Variants in CCDC158 observed in about 807,000 individuals in gnomAD.
CCDC158 encodes the protein coiled-coil domain-containing protein 158.
A neutral mutation model predicts 138.6 loss-of-function variants in CCDC158; 116 were observed. That is an observed-to-expected ratio of 0.84 (90% CI 0.72 to 0.98). The LOEUF (loss-of-function observed/expected upper bound fraction) is 0.98. Among genes scored for constraint, CCDC158 ranks in the 50% least tolerant of loss-of-function variants. The pLI is 0.00. For synonymous variants in CCDC158, 436 were observed against 442.4 expected (o/e 0.99, Z 0.18); for missense variants, 1,265 against 1,306.1 (o/e 0.97, Z 0.48).
chr4:76,419,413 A>C (rs77710221), intron 1 of CCDC158, among the ~76,000 whole-genome samples: 4,351 of 152,312 alleles, frequency 0.029, 200 homozygotes, highest in African/African-American at 0.099. Context: ...ACAAATTATC[A>C]AAACTCGGTA....
intron 4 of CCDC158, among the ~76,000 whole-genome samples, chr4:76,392,762 G>C (rs1186736733): frequency 1.3e-5 from 2 of 151,764 alleles, no homozygotes; most frequent in Admixed American, 1.3e-4. Context: ...CAAAAAAAAT[G>C]TTAGAACTAA....
intron 2 of CCDC158, among the ~76,000 whole-genome samples, chr4:76,405,773 C>T (rs532126460): frequency 1.3e-5 from 2 of 151,970 alleles, no homozygotes; most frequent in East Asian, 3.9e-4. Flanking sequence ...AGTAAAAGGT[C>T]AAGTAAGAAA....
intron 9 of CCDC158, chr4:76,375,753 T>C (rs577949235): frequency 5.0e-6 from 3 of 597,808 alleles, no homozygotes; most frequent in South Asian, 4.0e-5. Context: ...TAAAACACTT[T>C]TGTAAGCTAC....
intron 12 of CCDC158, among the ~76,000 whole-genome samples, chr4:76,363,309 G>A (rs1013725755): frequency 8.1e-4 from 123 of 152,322 alleles, no homozygotes; most frequent in African/African-American, 2.7e-3. Context: ...AAGTAAGCAT[G>A]TCCTGCATAA....
chr4:76,387,377 A>C (rs905670850), intron 4 of CCDC158, among the ~76,000 whole-genome samples: 2 of 152,088 alleles, frequency 1.3e-5, no homozygotes, highest in African/African-American at 4.8e-5. Context: ...GGAATCGTTC[A>C]TTACCTGCTG....
intron 18 of CCDC158, chr4:76,345,375 A>G (rs1722448379): frequency 4.8e-6 from 5 of 1,036,946 alleles, no homozygotes; most frequent in Admixed American, 3.4e-5. Context: ...GTTAAAGAGC[A>G]AAGACGTCAA....
chr4:76,382,514 T>G, intron 8 of CCDC158, 96 bp downstream of exon 8: 1 of 740,498 alleles, frequency 1.4e-6, no homozygotes, highest in East Asian at 2.6e-5. Context: ...TTATGAAATC[T>G]TACTAAGCAA....
chr4:76,381,052 A>C (rs1267692776), intron 8 of CCDC158, among the ~76,000 whole-genome samples: 1 of 152,224 alleles, frequency 6.6e-6, no homozygotes, highest in Non-Finnish European at 1.5e-5. Context: ...ATGTATGGAA[A>C]TGCCTGGATG....
chr4:76,384,179 G>A lies in CCDC158; in HGVS notation c.635C>T (p.Thr212Ile). Residue 212 changes from threonine (T) to isoleucine (I), a missense_variant, in exon 6 of 25, where the codon ACT (threonine) becomes ATT (isoleucine). By Grantham distance (89) the Thr-to-Ile change is moderately conservative. Coordinates refer to ENST00000682701, the MANE Select transcript of CCDC158 (RefSeq NM_001394954.1). Reference protein sequence around the residue: ...KKICEHDSMSTLHFRSLGSAI... With the variant: ...KKICEHDSMSILHFRSLGSAI... Reference sequence around the variant, plus strand: ...TGAGCCCAAGCTGCGGAAGTGCAGAGTAGACATGCTGTCATGTTCACATAT... The same window carrying A: ...TGAGCCCAAGCTGCGGAAGTGCAGAATAGACATGCTGTCATGTTCACATAT... The A allele has an allele frequency of 1.2e-6, 2 of 1,614,112 alleles. No individual in the cohort carries two copies. Among genetic ancestry groups the A allele is most frequent in the Non-Finnish European group, 1.7e-6 (2 of 1,179,980 alleles).
chr4:76,367,244 T>A (rs374995427), intron 12 of CCDC158, 50 bp downstream of exon 12: 49 of 1,569,042 alleles, frequency 3.1e-5, no homozygotes, highest in Non-Finnish European at 3.8e-5. Flanking sequence ...AGGTCATACC[T>A]GCTAATAAAT....
Position 76,412,085 on chromosome 4 carries a change from G to C in CCDC158, c.-74+5C>G, listed in dbSNP as rs1729340186. The C allele has an allele frequency of 6.6e-6, 1 of 151,984 alleles. No individual in the cohort carries two copies. The highest frequency in any genetic ancestry group is 1.5e-5 in the Non-Finnish European group (1 of 68,010). 9.4% of individuals were successfully genotyped at this position (151,984 alleles called of 1,614,324 possible). On this transcript the variant is annotated splice_donor_5th_base_variant and intron_variant, in intron 2 of 24. Transcript: ENST00000682701. ...AAATATAACTACAAGTAAAATAAAA[G>C]TTACCTTAACTTCTGGATATTCTTA...
chr4:76,387,562 C>T (rs569775981), intron 4 of CCDC158, among the ~76,000 whole-genome samples: 10 of 152,164 alleles, frequency 6.6e-5, no homozygotes, highest in East Asian at 3.9e-4. Flanking sequence ...CGGTAGCTCA[C>T]GCCTGTAGTC....
chr4:76,406,221 C>T (rs1728813347), intron 2 of CCDC158, among the ~76,000 whole-genome samples: 1 of 152,174 alleles, frequency 6.6e-6, no homozygotes, highest in African/African-American at 2.4e-5. Flanking sequence ...AAGTTGTCTT[C>T]AAGCCAGAGA....
intron 9 of CCDC158, among the ~76,000 whole-genome samples, chr4:76,372,935 G>A (rs1041281060): frequency 3.3e-5 from 5 of 151,930 alleles, no homozygotes; most frequent in South Asian, 2.1e-4. Context: ...TGCAACCTCC[G>A]CCTCCTGGGT....
intron 9 of CCDC158, among the ~76,000 whole-genome samples, chr4:76,372,528 C>T (rs1200723055): frequency 6.6e-6 from 1 of 152,120 alleles, no homozygotes; most frequent in East Asian, 1.9e-4. Context: ...AGCTATTTTG[C>T]TTCAGAATAT....
intron 3 of CCDC158, among the ~76,000 whole-genome samples, chr4:76,400,544 AAAGTAT>A (rs889473528): frequency 6.6e-6 from 1 of 151,952 alleles, no homozygotes; most frequent in African/African-American, 2.4e-5. Context: ...CCTAGAACTT[AAAGTAT>A]AATAGTAAAA....
Position 76,323,651 on chromosome 4 carries a change from G to A in CCDC158, c.3170-242C>T, listed in dbSNP as rs1018455692. ...TTGATTGTGCTCAAACCAATCCGATGTATCATTATTTAACTACATAATATT... is the reference window on the plus strand; with the variant it reads ...TTGATTGTGCTCAAACCAATCCGATATATCATTATTTAACTACATAATATT... On this transcript the variant is annotated intron_variant, in intron 23 of 24. Transcript: ENST00000682701. Among the ~76,000 whole-genome samples, 5 of 152,142 alleles carry A rather than the reference G, an allele frequency of 3.3e-5. 1 individual carries two copies. Among genetic ancestry groups the A allele is most frequent in the Admixed American group, 2.6e-4 (4 of 15,272 alleles).
At chr4:76,346,236 C>T (rs1431108845) in intron 18 of CCDC158, among the ~76,000 whole-genome samples, 1 of 152,158 alleles carries the variant, frequency 6.6e-6, no homozygotes, top group African/African-American at 2.4e-5. Context: ...AAAATTAACT[C>T]AAGATGGATT....
At chr4:76,371,298 C>A in intron 10 of CCDC158, 119 bp downstream of exon 10, 1 of 902,244 alleles carries the variant, frequency 1.1e-6, no homozygotes, top group Non-Finnish European at 1.7e-6. Flanking sequence ...TAATCTATTG[C>A]ATGTATGCAC....
Sources: allele counts gnomAD v4.1 joint callset (sites outside exome capture counted in the v4.1 genomes callset), GRCh38; gene constraint gnomAD v4.1.1; transcripts MANE v1.5; gene names NCBI Gene and HGNC (gene_info 2026-07-23, HGNC 2026-07-21).